Variants in NRXN3 observed in about 807,000 individuals in gnomAD.
NRXN3 encodes the protein neurexin 3, also known as neurexin III.
A neutral mutation model predicts 137.6 loss-of-function variants in NRXN3; 32 were observed. The observed-to-expected ratio is 0.23, with a 90% CI of 0.18 to 0.31. NRXN3 has a LOEUF of 0.31. Ranked by LOEUF, NRXN3 falls within the 10% of genes least tolerant of loss-of-function variation. The pLI is 1.00. For synonymous variants in NRXN3, 798 were observed against 784.5 expected (o/e 1.02, Z -0.29); for missense variants, 1,574 against 2,062.5 (o/e 0.76, Z 4.59).
chr14:78,710,761 G>A (rs1436769325), intron 7 of NRXN3, among the ~76,000 whole-genome samples: 1 of 151,926 alleles, frequency 6.6e-6, no homozygotes, highest in Non-Finnish European at 1.5e-5. Context: ...CTAGGCTGAC[G>A]GCAGAGATAG....
At chr14:78,527,361 A>G (rs1252046268) in intron 4 of NRXN3, among the ~76,000 whole-genome samples, 3 of 152,140 alleles carry the variant, frequency 2.0e-5, no homozygotes, top group Non-Finnish European at 2.9e-5. Flanking sequence ...GGAGGAAGAG[A>G]TGAAGTGGGA....
At chr14:79,686,954 A>G (rs2098697834) in intron 17 of NRXN3, among the ~76,000 whole-genome samples, 1 of 152,206 alleles carries the variant, frequency 6.6e-6, no homozygotes, top group South Asian at 2.1e-4. Context: ...TCAAGGAGCC[A>G]CTTAAAAAGC....
intron 1 of NRXN3, among the ~76,000 whole-genome samples, chr14:78,192,350 C>T (rs922759313): frequency 3.3e-5 from 5 of 152,092 alleles, no homozygotes; most frequent in Non-Finnish European, 7.4e-5. Flanking sequence ...GGTAGTGGTA[C>T]AGGGCTTGGG....
intron 14 of NRXN3, among the ~76,000 whole-genome samples, chr14:78,975,367 C>G (rs184950001): frequency 2.0e-4 from 30 of 152,174 alleles, no homozygotes; most frequent in African/African-American, 6.7e-4. Context: ...GAAGCACATT[C>G]GAGAGCTTGG....
At chr14:79,256,152 GTCTCTCTGTCTC>G (rs767288058) in intron 15 of NRXN3, among the ~76,000 whole-genome samples, 122 of 148,624 alleles carry the variant, frequency 8.2e-4, no homozygotes, top group South Asian at 3.9e-3. Context: ...CTGTCTGTCT[GTCTCTCTGTCTC>G]TCTCTCTGTC....
At chr14:78,445,456 G>T (rs2094392021) in intron 4 of NRXN3, among the ~76,000 whole-genome samples, 2 of 152,338 alleles carry the variant, frequency 1.3e-5, no homozygotes, top group African/African-American at 4.8e-5. Context: ...AGCCTTATCA[G>T]ATAGAACAAG....
chr14:78,579,491 G>A (rs1042491574), intron 4 of NRXN3, among the ~76,000 whole-genome samples: 1 of 151,794 alleles, frequency 6.6e-6, no homozygotes. Flanking sequence ...GATCCACAGG[G>A]TAGTCTCAAG....
At chr14:78,649,270 C>G (rs1566971300) in intron 5 of NRXN3, 3 of 1,344,800 alleles carry the variant, frequency 2.2e-6, no homozygotes, top group South Asian at 2.4e-5. Flanking sequence ...CCGCAAAGCA[C>G]TCAGGCATCG....
intron 4 of NRXN3, among the ~76,000 whole-genome samples, chr14:78,363,405 G>A (rs1343524361): frequency 6.6e-6 from 1 of 152,182 alleles, no homozygotes. Context: ...ACTTTTTATT[G>A]AGAACCTATG....
rs139724109 is a variant in NRXN3, at chr14:79,062,621, G to A, written c.3262+74480G>A. ...TAGCTTTTGTCAGGACACAAAGTGCGTCTCTGGTGCTTGTGCAGATCAGTT... is the reference window on the plus strand; with the variant it reads ...TAGCTTTTGTCAGGACACAAAGTGCATCTCTGGTGCTTGTGCAGATCAGTT... On this transcript the variant is annotated intron_variant, in intron 15 of 20. Coordinates refer to ENST00000335750, the MANE Select transcript of NRXN3 (RefSeq NM_001330195.2). 1.2e-4 allele frequency among the ~76,000 whole-genome samples: 19 copies of A among 152,314 alleles called. No homozygotes were observed. The East Asian group carries it at 3.3e-3, about 26-fold the overall frequency.
chr14:78,597,756 CAGCTCTGTA>C (rs2152425460), intron 4 of NRXN3, among the ~76,000 whole-genome samples: 1 of 152,328 alleles, frequency 6.6e-6, no homozygotes, highest in East Asian at 1.9e-4. Context: ...ACCTACCACC[CAGCTCTGTA>C]TTTTCCCATA....
chr14:78,585,962 G>T (rs368316521), intron 4 of NRXN3, among the ~76,000 whole-genome samples: 2 of 152,224 alleles, frequency 1.3e-5, no homozygotes, highest in Non-Finnish European at 2.9e-5. Flanking sequence ...GGATGGAAGC[G>T]TAGATAAATT....
At chr14:79,376,210 GTATGTATATATATATATATA>G (rs1393501421) in intron 15 of NRXN3, among the ~76,000 whole-genome samples, 13 of 40,794 alleles carry the variant, frequency 3.2e-4, no homozygotes, top group Admixed American at 2.6e-3. Flanking sequence ...GTGTGTGTGT[GTATGTATATATATATATATA>G]TATATATATA....
chr14:79,205,790 A>T (rs1156826792), intron 15 of NRXN3, among the ~76,000 whole-genome samples: 1 of 152,202 alleles, frequency 6.6e-6, no homozygotes, highest in Admixed American at 6.5e-5. Flanking sequence ...AAGCATGCAG[A>T]GGGATATATA....
At chr14:79,002,865 C>T (rs2099544581) in intron 15 of NRXN3, among the ~76,000 whole-genome samples, 1 of 152,162 alleles carries the variant, frequency 6.6e-6, no homozygotes, top group Non-Finnish European at 1.5e-5. Flanking sequence ...TTCTCCACAA[C>T]CTTGCCAGCA....
chr14:79,619,547 G>T (rs17109609), intron 16 of NRXN3, among the ~76,000 whole-genome samples: 2,829 of 151,970 alleles, frequency 0.019, 75 homozygotes, highest in Middle Eastern at 0.048. Flanking sequence ...ACTACTGCTG[G>T]TTAATTGTAC....
intron 15 of NRXN3, among the ~76,000 whole-genome samples, chr14:79,337,954 G>A (rs931787174): frequency 2.0e-5 from 3 of 152,046 alleles, no homozygotes; most frequent in Non-Finnish European, 4.4e-5. Context: ...ACAGCCTGTG[G>A]CTTTGTTTTT....
At chr14:78,502,483 A>T (rs1044109325) in intron 4 of NRXN3, among the ~76,000 whole-genome samples, 3 of 152,194 alleles carry the variant, frequency 2.0e-5, no homozygotes, top group Non-Finnish European at 4.4e-5. Context: ...CATGCTGGGT[A>T]ACAATGCTAT....
intron 16 of NRXN3, among the ~76,000 whole-genome samples, chr14:79,506,422 C>T (rs2153683080): frequency 6.6e-6 from 1 of 152,256 alleles, no homozygotes; most frequent in East Asian, 1.9e-4. Context: ...CAGCAGTGCT[C>T]AGGAACAATA....
Sources: allele counts gnomAD v4.1 joint callset (sites outside exome capture counted in the v4.1 genomes callset), GRCh38; gene constraint gnomAD v4.1.1; transcripts MANE v1.5; gene names NCBI Gene and HGNC (gene_info 2026-07-23, HGNC 2026-07-21).